The following NDUFB5 variants were observed in gnomAD, a reference collection of about 807,000 sequenced individuals.
NDUFB5 encodes NADH dehydrogenase [ubiquinone] 1 beta subcomplex subunit 5, mitochondrial.
NDUFB5 carries 19 observed loss-of-function variants against 19.4 expected under a neutral mutation model. That is an observed-to-expected ratio of 0.98 (90% CI 0.68 to 1.43). The LOEUF is 1.43. Ranked by LOEUF, NDUFB5 falls within the 40% of genes most tolerant of loss-of-function variation. The pLI, the probability that NDUFB5 is intolerant of heterozygous loss-of-function variation, is 0.00. For missense variants in NDUFB5, 233 were observed against 236.5 expected, an observed-to-expected ratio of 0.99 and a Z score of 0.10; for synonymous variants, 80 against 82.6, an observed-to-expected ratio of 0.97 and a Z score of 0.17.
In NDUFB5 at chr3:179,612,870, G is replaced by A. The variant is rs531693227; in HGVS notation, c.125-2101G>A. On this transcript the variant is annotated intron_variant, in intron 1 of 5. Transcript: ENST00000259037. ...ATAGATTGTCCCTCTAAAAGAGTATGCTCTTGAATGGACACATTTCTGCAG... is the reference window on the plus strand; with the variant it reads ...ATAGATTGTCCCTCTAAAAGAGTATACTCTTGAATGGACACATTTCTGCAG... Among the ~76,000 whole-genome samples, 3 of 152,314 alleles carry A rather than the reference G, an allele frequency of 2.0e-5. No individual in the cohort carries two copies. In the South Asian group the frequency reaches 6.2e-4, roughly 32 times the overall value.
At chr3:179,614,113 C>T (rs556461556) in intron 1 of NDUFB5, among the ~76,000 whole-genome samples, 32 of 152,310 alleles carry the variant, frequency 2.1e-4, no homozygotes, top group African/African-American at 7.2e-4. Flanking sequence ...TAGGAACCTT[C>T]AGTTTCTAAG....
chr3:179,615,748 AT>A (rs1174515659), intron 2 of NDUFB5: 1 of 570,642 alleles, frequency 1.8e-6, no homozygotes, highest in Non-Finnish European at 3.1e-6. Flanking sequence ...CTCAAATCCT[AT>A]TTAGTGGTAG....
intron 2 of NDUFB5, 150 bp from the exon 3 acceptor site, chr3:179,615,833 T>TA (rs1343798955): frequency 3.0e-6 from 2 of 671,058 alleles, no homozygotes; most frequent in Admixed American, 5.6e-5. Context: ...TACCAAAAAG[T>TA]AAAATCACAG....
intron 3 of NDUFB5, among the ~76,000 whole-genome samples, chr3:179,616,257 C>T (rs994750401): frequency 6.6e-6 from 1 of 152,064 alleles, no homozygotes; most frequent in African/African-American, 2.4e-5. Context: ...AAACTATAAT[C>T]CTCGGCCAGG....
intron 1 of NDUFB5, among the ~76,000 whole-genome samples, chr3:179,614,337 A>C (rs146555424): frequency 2.2e-4 from 33 of 152,316 alleles, no homozygotes; most frequent in Non-Finnish European, 1.5e-5. Flanking sequence ...TTTTATCAAG[A>C]TATTTTAGAG....
chr3:179,614,838 T>A lies in NDUFB5; in HGVS notation c.125-133T>A. ...GAGGGAGGCACATCTCACACCTGAG[T>A]GTGAAAACCCAGTCATCCTGCTTAT... On this transcript the variant is annotated intron_variant, in intron 1 of 5. Transcript: ENST00000259037. 3 of 529,392 alleles carry A rather than the reference T, an allele frequency of 5.7e-6. No individual in the cohort carries two copies. In the Admixed American group the frequency reaches 9.8e-5, roughly 17 times the overall value. The allele number at this position is 529,392 out of a possible 1,614,324, so 32.8% of individuals were successfully genotyped here.
intron 4 of NDUFB5, chr3:179,618,144 G>A (rs977763516): frequency 1.5e-5 from 4 of 268,656 alleles, no homozygotes; most frequent in African/African-American, 2.3e-5. Context: ...ATGGAAAAGA[G>A]TACACAGCTT....
At chr3:179,612,571 G>T (rs1308485027) in intron 1 of NDUFB5, among the ~76,000 whole-genome samples, 1 of 150,948 alleles carries the variant, frequency 6.6e-6, no homozygotes, top group Non-Finnish European at 1.5e-5. Flanking sequence ...CGCCTCCTGG[G>T]TTTACTTACG....
chr3:179,607,940 T>G, intron 1 of NDUFB5: 1 of 620,846 alleles, frequency 1.6e-6, no homozygotes, highest in Non-Finnish European at 2.9e-6. Context: ...TTGTATGTAT[T>G]TACCCCATTT....
rs796348016 is a variant in NDUFB5, at chr3:179,615,840, A to G, written c.214-143A>G. ...CATTGCTTTACCAAAAAGTAAAATC[A>G]CAGAAATCAATAATTTGGTACTGTA... On this transcript the variant is annotated intron_variant, in intron 2 of 5. Transcript: ENST00000259037. 3.1e-5 allele frequency: 21 copies of G among 678,256 alleles called. No homozygotes were observed. The African/African-American group carries it at 3.6e-4, about 12-fold the overall frequency. 42.0% of individuals were successfully genotyped at this position (678,256 alleles called of 1,614,324 possible).
chr3:179,613,785 G>T (rs1719308674), intron 1 of NDUFB5, among the ~76,000 whole-genome samples: 1 of 152,128 alleles, frequency 6.6e-6, no homozygotes, highest in African/African-American at 2.4e-5. Context: ...GATAGTTCCT[G>T]CTTTCAAGAT....
At chr3:179,612,581 G>A (rs1033500975) in intron 1 of NDUFB5, among the ~76,000 whole-genome samples, 5 of 146,862 alleles carry the variant, frequency 3.4e-5, no homozygotes, top group South Asian at 2.1e-4. Flanking sequence ...GTTTACTTAC[G>A]CCATTCTCCT....
rs576612255 is a variant in NDUFB5, at chr3:179,627,633, T to C, written c.*3593T>C. ...GGCCGGAGCACCTAAATAATAAATA[T>C]TCTCCTGAACCCCATCGGTCTCTCT... is the stretch of plus-strand genomic sequence containing the variant. On this transcript the variant is annotated 3_prime_UTR_variant, in exon 6 of 6. Coordinates refer to ENST00000259037, the MANE Select transcript of NDUFB5 (RefSeq NM_002492.4). The C allele has an allele frequency of 6.6e-6, 1 of 152,250 alleles. No homozygotes were observed. The highest frequency in any genetic ancestry group is 1.9e-4 in the East Asian group (1 of 5,180). The allele number at this position is 152,250 out of a possible 1,614,324, so 9.4% of individuals were successfully genotyped here. A position where few individuals can be genotyped will look rare whatever the true frequency, so the allele number is the denominator to read the frequency against.
chr3:179,615,986 T>TC lies in NDUFB5; in HGVS notation c.217_218insC (p.Phe73SerfsTer25). 6.2e-7 allele frequency: 1 copy of TC among 1,611,438 alleles called. No individual in the cohort carries two copies. Among genetic ancestry groups the TC allele is most frequent in the Non-Finnish European group, 8.5e-7 (1 of 1,178,042 alleles). ...AACACTTTTTTTTTTATCTTAGAGA[T>TC]TCTACATTGCATTGACTGGGATTCC... On this transcript the variant is annotated frameshift_variant, in exon 3 of 6. Transcript: ENST00000259037. LOFTEE classifies it high-confidence loss of function.
chr3:179,605,545 A>G (rs1321035902), intron 1 of NDUFB5, among the ~76,000 whole-genome samples: 1 of 152,024 alleles, frequency 6.6e-6, no homozygotes, highest in Non-Finnish European at 1.5e-5. Context: ...GGCTCACTGC[A>G]ACCTCCGCCT....
intron 1 of NDUFB5, among the ~76,000 whole-genome samples, chr3:179,610,204 C>A (rs1486239605): frequency 6.6e-6 from 1 of 152,146 alleles, no homozygotes; most frequent in Non-Finnish European, 1.5e-5. Flanking sequence ...GTGATCCTCT[C>A]GCCTCAGCCT....
In NDUFB5 at chr3:179,604,829, G is replaced by A. The variant is rs1719029553; in HGVS notation, c.14G>A (p.Ser5Asn). The change falls in exon 1 of 6, where the codon AGT (serine) becomes AAT (asparagine). Residue 5 changes from serine to asparagine, a missense_variant. Physicochemically the swap from Ser to Asn is conservative, Grantham distance 46. Transcript: ENST00000259037. MAAMSLLRRVSVTAV... is the reference protein window; with the variant it reads MAAMNLLRRVSVTAV... ...CCCGTAGTAGCCATGGCGGCCATGAGTTTGTTGCGGCGGGTTTCGGTTACT... is the reference window on the plus strand; with the variant it reads ...CCCGTAGTAGCCATGGCGGCCATGAATTTGTTGCGGCGGGTTTCGGTTACT... 6.2e-7 allele frequency: 1 copy of A among 1,606,924 alleles called. No individual in the cohort carries two copies.
rs1354553700 is a variant in NDUFB5 at position 179,607,681 on chromosome 3, T to A, written c.124+2742T>A. On this transcript the variant is annotated intron_variant, in intron 1 of 5. Coordinates refer to ENST00000259037, the MANE Select transcript of NDUFB5 (RefSeq NM_002492.4). ...TATGCAACCATCACCATCATCCAACTCCAGAACTTTTTTCATATGGTAAAA... is the reference window on the plus strand; with the variant it reads ...TATGCAACCATCACCATCATCCAACACCAGAACTTTTTTCATATGGTAAAA... 11 of 690,228 alleles carry A rather than the reference T, an allele frequency of 1.6e-5. No individual in the cohort carries two copies. In the East Asian group the frequency reaches 2.1e-4, roughly 13 times the overall value. 42.8% of individuals were successfully genotyped at this position (690,228 alleles called of 1,614,324 possible).
chr3:179,607,306 G>T (rs1433167358), intron 1 of NDUFB5, among the ~76,000 whole-genome samples: 1 of 152,232 alleles, frequency 6.6e-6, no homozygotes, highest in Non-Finnish European at 1.5e-5. Flanking sequence ...GTCCCTACAA[G>T]AATGTAAGCT....
Sources: gnomAD v4.1 joint callset for allele counts (sites outside exome capture counted in the v4.1 genomes callset) on GRCh38, gnomAD v4.1.1 for gene constraint, MANE v1.5 for transcripts, NCBI Gene and HGNC (gene_info 2026-07-23, HGNC 2026-07-21) for gene names.